Variants in ANK2 observed in about 807,000 individuals in gnomAD.
ANK2 encodes ankyrin 2, also known as ankyrin-2.
A neutral mutation model predicts 360.5 loss-of-function variants in ANK2; 83 were observed. That is an observed-to-expected ratio of 0.23 (90% confidence interval 0.19 to 0.28). The LOEUF (loss-of-function observed/expected upper bound fraction) is 0.28, where lower values mean the gene tolerates loss of function less well. Among genes scored for constraint, ANK2 ranks in the 10% least tolerant of loss-of-function variants. The pLI is 1.00. For missense variants in ANK2, 4,201 were observed against 4,795.7 expected, an observed-to-expected ratio of 0.88 and a Z score of 3.66; for synonymous variants, 1,740 against 1,759.5, an observed-to-expected ratio of 0.99 and a Z score of 0.28.
intron 2 of ANK2, among the ~76,000 whole-genome samples, chr4:112,984,896 G>A (rs2044337747): frequency 6.6e-6 from 1 of 152,150 alleles, no homozygotes; most frequent in African/African-American, 2.4e-5. Context: ...ATGATAAACT[G>A]AGCTCAGTGG....
At chr4:113,217,969 C>T (rs1185734235) in intron 4 of ANK2, among the ~76,000 whole-genome samples, 4 of 152,198 alleles carry the variant, frequency 2.6e-5, no homozygotes, top group Admixed American at 2.6e-4. Context: ...TTCTCCATCT[C>T]AGCACTGTCT....
At chr4:113,062,629 T>C (rs2074022234) in intron 1 of ANK2, among the ~76,000 whole-genome samples, 1 of 152,132 alleles carries the variant, frequency 6.6e-6, no homozygotes, top group Admixed American at 6.6e-5. Flanking sequence ...AATAATTCAA[T>C]ACACTAAGAA....
chr4:113,249,720 T>A, intron 9 of ANK2, 44 bp from the exon 10 acceptor site: 1 of 1,587,094 alleles, frequency 6.3e-7, no homozygotes, highest in Non-Finnish European at 8.6e-7. Context: ...AATATAGATT[T>A]TTTTGAAGTG....
chr4:113,014,438 T>C (rs182701858), intron 2 of ANK2, among the ~76,000 whole-genome samples: 1 of 152,198 alleles, frequency 6.6e-6, no homozygotes, highest in Non-Finnish European at 1.5e-5. Context: ...TGAGGCAGAG[T>C]GAGGTTGAAA....
intron 1 of ANK2, chr4:112,827,670 T>A: frequency 1.5e-6 from 1 of 666,444 alleles, no homozygotes; most frequent in South Asian, 2.0e-5. Flanking sequence ...AGAGCATTGT[T>A]GCACTGTTCT....
chr4:112,773,272 G>A, the ANK2 span, among the ~76,000 whole-genome samples: 2 of 152,144 alleles, frequency 1.3e-5, no homozygotes, highest in African/African-American at 2.4e-5. Context: ...AGCCGTGATC[G>A]TGCTGCTGAA....
chr4:113,262,392 A>T (rs977958088), intron 13 of ANK2, among the ~76,000 whole-genome samples: 1 of 151,926 alleles, frequency 6.6e-6, no homozygotes, highest in African/African-American at 2.4e-5. Context: ...ATGCCTGGCT[A>T]ATTTATTTAT....
intron 1 of ANK2, chr4:113,070,254 G>A (rs1459555163): frequency 1.3e-5 from 2 of 151,842 alleles, no homozygotes; most frequent in East Asian, 3.9e-4. Flanking sequence ...CCTTCTTCTA[G>A]ACAAAGTTGA....
chr4:112,874,889 A>G (rs1470335777), intron 1 of ANK2, among the ~76,000 whole-genome samples: 2 of 152,202 alleles, frequency 1.3e-5, no homozygotes, highest in East Asian at 1.9e-4. Context: ...TTAGTAGCTC[A>G]GCAAATATTT....
chr4:113,062,758 G>C (rs983040871), intron 1 of ANK2, among the ~76,000 whole-genome samples: 1 of 152,056 alleles, frequency 6.6e-6, no homozygotes, highest in Admixed American at 6.6e-5. Context: ...AATGTTTACT[G>C]TATGTGAGAA....
At chr4:113,103,300 T>A (rs1163026701) in intron 1 of ANK2, among the ~76,000 whole-genome samples, 1 of 152,112 alleles carries the variant, frequency 6.6e-6, no homozygotes, top group Non-Finnish European at 1.5e-5. Flanking sequence ...TTTCACTAAT[T>A]TTTTTTAAAC....
intron 1 of ANK2, among the ~76,000 whole-genome samples, chr4:112,869,572 C>G (rs550816429): frequency 9.2e-5 from 14 of 152,304 alleles, no homozygotes; most frequent in Admixed American, 9.2e-4. Context: ...CTTAAGCCAC[C>G]ACACCTAGCT....
rs541424875 is a variant in ANK2 at position 113,236,473 on chromosome 4, A to G, written c.484-514A>G. Among the ~76,000 whole-genome samples, 25 of 152,326 alleles carry G rather than the reference A, an allele frequency of 1.6e-4. 1 individual carries two copies. The highest frequency in any genetic ancestry group is 6.0e-4 in the African/African-American group (25 of 41,572). On this transcript the variant is annotated intron_variant, in intron 5 of 45. Transcript: ENST00000357077. ...AGAGTTTTAGATCATATTGTTCCCTAAACTTCCAAAATTGAACTGGTAATA... is the reference window on the plus strand; with the variant it reads ...AGAGTTTTAGATCATATTGTTCCCTGAACTTCCAAAATTGAACTGGTAATA...
the ANK2 span, among the ~76,000 whole-genome samples, chr4:112,767,455 G>T: frequency 6.6e-6 from 1 of 152,010 alleles, no homozygotes; most frequent in Non-Finnish European, 1.5e-5. Flanking sequence ...CAGCTACTCG[G>T]GAGGCTGAAG....
At chr4:112,829,958 C>CA (rs1237067910) in intron 1 of ANK2, among the ~76,000 whole-genome samples, 16 of 140,354 alleles carry the variant, frequency 1.1e-4, no homozygotes, top group East Asian at 3.0e-4. Context: ...GACTCCGTCT[C>CA]AAAAAAATAA....
intron 33 of ANK2, 32 bp downstream of exon 33, chr4:113,341,948 T>C: frequency 6.7e-7 from 1 of 1,489,704 alleles, no homozygotes; most frequent in Non-Finnish European, 9.3e-7. Flanking sequence ...TAATAATTTA[T>C]GCCATGTTGT....
intron 2 of ANK2, 67 bp from the exon 3 acceptor site, chr4:113,196,301 A>T: frequency 1.7e-6 from 2 of 1,206,176 alleles, no homozygotes; most frequent in Non-Finnish European, 2.4e-6. Flanking sequence ...TATATGCTTG[A>T]GTAGGATCAG....
the ANK2 span, among the ~76,000 whole-genome samples, chr4:112,718,049 T>C: frequency 3.3e-5 from 5 of 152,232 alleles, no homozygotes; most frequent in Non-Finnish European, 7.3e-5. Flanking sequence ...TTCTAAACAT[T>C]TGCATTCTCA....
intron 1 of ANK2, among the ~76,000 whole-genome samples, chr4:113,084,210 A>G (rs538011053): frequency 3.3e-4 from 50 of 152,338 alleles, no homozygotes; most frequent in African/African-American, 1.2e-3. Flanking sequence ...TTTTGCTTAC[A>G]TTCTGTAACC....
Sources: gnomAD v4.1 joint callset for allele counts (sites outside exome capture counted in the v4.1 genomes callset) on GRCh38, gnomAD v4.1.1 for gene constraint, MANE v1.5 for transcripts, NCBI Gene and HGNC (gene_info 2026-07-23, HGNC 2026-07-21) for gene names.